HIVEP3: variants seen among roughly 807,000 people sequenced by gnomAD.
HIVEP3 encodes HIVEP zinc finger 3.
A neutral mutation model predicts 152.8 loss-of-function variants in HIVEP3; 49 were observed. The ratio of observed to expected loss-of-function variants is 0.32; its 90% confidence interval spans 0.26 to 0.41. The LOEUF (loss-of-function observed/expected upper bound fraction) is 0.41, where lower values mean the gene tolerates loss of function less well. Ranked by LOEUF, HIVEP3 falls within the 10% of genes least tolerant of loss-of-function variation. The pLI, the probability that HIVEP3 is intolerant of heterozygous loss-of-function variation, is 1.00. For synonymous variants in HIVEP3, 1,269 were observed against 1,289.0 expected, an observed-to-expected ratio of 0.98 and a Z score of 0.33; for missense variants, 2,790 against 3,103.3, an observed-to-expected ratio of 0.90 and a Z score of 2.40.
At chr1:41,735,258 T>C (rs1320953749) in intron 1 of HIVEP3, among the ~76,000 whole-genome samples, 1 of 152,238 alleles carries the variant, frequency 6.6e-6, no homozygotes, top group African/African-American at 2.4e-5. Context: ...TTGGGAGATC[T>C]CTTCCTACGT....
At position 41,653,698 on chromosome 1, in the gene HIVEP3, T is replaced by C. The variant is rs922105106; in HGVS notation, c.-720-24751A>G. 3.3e-5 allele frequency among the ~76,000 whole-genome samples: 5 copies of C among 152,194 alleles called. No homozygotes were observed. In the South Asian group the frequency reaches 8.3e-4, roughly 25 times the overall value. On this transcript the variant is annotated intron_variant, in intron 2 of 8. Coordinates refer to ENST00000372583, the MANE Select transcript of HIVEP3 (RefSeq NM_024503.5). ...TTCAGGGCGACACCAAATGTTCGCA[T>C]GCCAAGGCAAGAAACCGTTAGGAGG... is the stretch of plus-strand genomic sequence containing the variant.
intron 5 of HIVEP3, among the ~76,000 whole-genome samples, chr1:41,550,009 T>C (rs1423287637): frequency 6.6e-6 from 1 of 152,254 alleles, no homozygotes; most frequent in Admixed American, 6.5e-5. Context: ...TGGTTTTAAG[T>C]CTAACATTTA....
chr1:41,544,730 CGCT>C (rs1410964088), intron 5 of HIVEP3, among the ~76,000 whole-genome samples: 18 of 101,502 alleles, frequency 1.8e-4, no homozygotes, highest in Admixed American at 3.6e-4. Flanking sequence ...GTACCACCAC[CGCT>C]ACCATCACCA....
intron 1 of HIVEP3, among the ~76,000 whole-genome samples, chr1:41,934,174 T>C (rs773027889): frequency 4.6e-5 from 7 of 152,166 alleles, no homozygotes; most frequent in African/African-American, 1.7e-4. Context: ...CCAACCATTT[T>C]TGTGAACCTG....
chr1:41,769,082 C>A (rs1210513982), intron 1 of HIVEP3, among the ~76,000 whole-genome samples: 1 of 152,226 alleles, frequency 6.6e-6, no homozygotes, highest in Non-Finnish European at 1.5e-5. Flanking sequence ...AGCATCATGG[C>A]CCTAAGCAGC....
chr1:41,721,774 A>G (rs1315282921), intron 1 of HIVEP3, among the ~76,000 whole-genome samples: 3 of 152,218 alleles, frequency 2.0e-5, no homozygotes, highest in Non-Finnish European at 4.4e-5. Flanking sequence ...TGCTGCTCAC[A>G]GGAACAGAGC....
rs1440837780 is a variant in HIVEP3, at chr1:41,580,400, T to C, written c.4398A>G (p.Lys1466=). The C allele has an allele frequency of 6.2e-7, 1 of 1,614,032 alleles. No homozygotes were observed. The highest frequency in any genetic ancestry group is 1.3e-5 in the African/African-American group (1 of 74,920). ...SKADEKLELV[K]PCSVVLTSTE... Reference sequence around the variant, plus strand: ...TGCTGGTAAGGACCACACTGCATGGTTTTACCAGCTCAAGTTTTTCATCTG... The same window carrying C: ...TGCTGGTAAGGACCACACTGCATGGCTTTACCAGCTCAAGTTTTTCATCTG... The change falls in exon 4 of 9, where the codon AAA becomes AAG. Residue 1466 remains lysine (K), a synonymous_variant. Transcript: ENST00000372583.
chr1:41,805,560 G>A (rs1650556086), intron 1 of HIVEP3, among the ~76,000 whole-genome samples: 1 of 152,176 alleles, frequency 6.6e-6, no homozygotes, highest in Admixed American at 6.5e-5. Context: ...ACATGCGTGT[G>A]CGTGGGAGAT....
At chr1:41,722,188 C>T (rs987166456) in intron 1 of HIVEP3, among the ~76,000 whole-genome samples, 11 of 152,164 alleles carry the variant, frequency 7.2e-5, no homozygotes, top group African/African-American at 2.4e-4. Flanking sequence ...CAGTGTGGAC[C>T]ACAATCAGCT....
At chr1:41,717,240 C>T (rs1424535625) in intron 1 of HIVEP3, among the ~76,000 whole-genome samples, 3 of 152,034 alleles carry the variant, frequency 2.0e-5, no homozygotes, top group African/African-American at 7.3e-5. Context: ...TTGCATTTTC[C>T]GACGCTCTTT....
intron 5 of HIVEP3, among the ~76,000 whole-genome samples, chr1:41,564,880 G>A (rs953805861): frequency 6.6e-6 from 1 of 152,158 alleles, no homozygotes; most frequent in East Asian, 1.9e-4. Context: ...GAGGACCTCC[G>A]GGAGTGGGTG....
At chr1:41,619,742 T>TATTTTTGGAG (rs1347625398) in intron 3 of HIVEP3, among the ~76,000 whole-genome samples, 1 of 152,112 alleles carries the variant, frequency 6.6e-6, no homozygotes, top group Non-Finnish European at 1.5e-5. Context: ...TGGGAGGCTG[T>TATTTTTGGAG]CCGAATGCTA....
chr1:41,580,270 T>G lies in HIVEP3; in HGVS notation c.4528A>C (p.Lys1510Gln). The change falls in exon 4 of 9, where the codon AAG (lysine) becomes CAG (glutamine). Residue 1510 changes from lysine to glutamine, a missense_variant. Coordinates refer to ENST00000372583, the MANE Select transcript of HIVEP3 (RefSeq NM_024503.5). ...GGGTGAGGGAGGGGAGGAATTTCCTTTGTGTCAGATGGATCTGAGGACAGG... is the reference window on the plus strand; with the variant it reads ...GGGTGAGGGAGGGGAGGAATTTCCTGTGTGTCAGATGGATCTGAGGACAGG... ...SSLSSDPSDT[K>Q]EIPPLPHPAL... 1 of 1,613,968 alleles carries G rather than the reference T, an allele frequency of 6.2e-7. No individual in the cohort carries two copies. Among genetic ancestry groups the G allele is most frequent in the East Asian group, 2.2e-5 (1 of 44,878 alleles).
Position 41,513,172 on chromosome 1 carries a change from G to A in HIVEP3, c.6049C>T (p.Pro2017Ser), listed in dbSNP as rs1194208352. The A allele has an allele frequency of 1.2e-6, 2 of 1,613,908 alleles. No individual in the cohort carries two copies. The highest frequency in any genetic ancestry group is 1.7e-5 in the Admixed American group (1 of 60,032). The part of the protein sequence containing the change: ...APSPPGLHVD[P>S]GRGMGALPCG... ...GGGAGAGCGCCCATGCCCCTTCCTGGGTCCACGTGCAGGCCAGGTGGGCTT... is the reference window on the plus strand; with the variant it reads ...GGGAGAGCGCCCATGCCCCTTCCTGAGTCCACGTGCAGGCCAGGTGGGCTT... Residue 2017 changes from proline (P) to serine (S), a missense_variant, in exon 8 of 9, where the codon CCA becomes TCA. Physicochemically the swap from Pro to Ser is moderately conservative, Grantham distance 74. Around this residue, in one of 9 missense-constraint regions of HIVEP3, gnomAD observed 816 missense variants for 806.5 expected, o/e 1.01. Transcript: ENST00000372583.
At chr1:41,867,675 G>C (rs1343339706) in intron 1 of HIVEP3, among the ~76,000 whole-genome samples, 1 of 152,090 alleles carries the variant, frequency 6.6e-6, no homozygotes, top group Non-Finnish European at 1.5e-5. Flanking sequence ...TCACCTCAAG[G>C]TCTCACCTGC....
At chr1:41,638,481 CT>C (rs1645321792) in intron 2 of HIVEP3, among the ~76,000 whole-genome samples, 1 of 152,148 alleles carries the variant, frequency 6.6e-6, no homozygotes, top group Admixed American at 6.5e-5. Flanking sequence ...GGGTGCATAA[CT>C]TTTTGAATGT....
At chr1:41,545,073 A>ACC (rs1390397349) in intron 5 of HIVEP3, among the ~76,000 whole-genome samples, 5 of 122,114 alleles carry the variant, frequency 4.1e-5, no homozygotes, top group African/African-American at 6.1e-5. Context: ...CACCACCACC[A>ACC]ACATCACCAC....
intron 2 of HIVEP3, among the ~76,000 whole-genome samples, chr1:41,675,168 T>G (rs1425690121): frequency 2.6e-5 from 4 of 152,170 alleles, no homozygotes; most frequent in African/African-American, 9.7e-5. Context: ...AATGGCTTCC[T>G]TCTGCTATTA....
intron 7 of HIVEP3, among the ~76,000 whole-genome samples, chr1:41,516,702 C>T (rs1481094388): frequency 6.6e-6 from 1 of 152,222 alleles, no homozygotes; most frequent in Non-Finnish European, 1.5e-5. Context: ...GCTGCCCCCG[C>T]GTCCAGCGGG....
Sources: gnomAD v4.1 joint callset for allele counts (sites outside exome capture counted in the v4.1 genomes callset) on GRCh38, gnomAD v4.1.1 for gene constraint, gnomAD v4.1.1 regional missense constraint, MANE v1.5 for transcripts, NCBI Gene and HGNC (gene_info 2026-07-23, HGNC 2026-07-21) for gene names.